TG: variants seen among roughly 807,000 people sequenced by gnomAD.
The protein encoded by TG is thyroglobulin, also known as thyroid hormones.
TG carries 270 observed loss-of-function variants against 324.7 expected under a neutral mutation model. The ratio of observed to expected loss-of-function variants is 0.83; its 90% CI spans 0.75 to 0.92. The LOEUF is 0.92. Ranked by LOEUF, TG falls within the 40% of genes least tolerant of loss-of-function variation. TG has a pLI of 0.00. For synonymous variants in TG, 1,401 were observed against 1,327.0 expected, an observed-to-expected ratio of 1.06 and a Z score of -1.21; for missense variants, 3,591 against 3,456.4, an observed-to-expected ratio of 1.04 and a Z score of -0.98.
At chr8:132,984,138 C>A (rs867029097) in intron 35 of TG, among the ~76,000 whole-genome samples, 1 of 152,246 alleles carries the variant, frequency 6.6e-6, no homozygotes, top group Non-Finnish European at 1.5e-5. Flanking sequence ...GGGCTCCACA[C>A]GCTGCTCAGC....
intron 35 of TG, 95 bp downstream of exon 35, chr8:132,983,507 C>T: frequency 8.2e-7 from 1 of 1,213,916 alleles, no homozygotes; most frequent in Non-Finnish European, 1.2e-6. Context: ...AAGTTGATAG[C>T]TTGCATATCA....
rs531062127 is a variant in TG at position 132,980,315 on chromosome 8, A to T, written c.6200-3035A>T. Among the ~76,000 whole-genome samples the T allele has an allele frequency of 3.4e-3, 521 of 152,162 alleles. 4 individuals carry two copies. Among genetic ancestry groups the T allele is most frequent in the African/African-American group, 0.012 (503 of 41,550 alleles). ...CAGCTGGAGATTGAGTGCATTGACC[A>T]ATGGCCCATGACTTACTCAATTACT... On this transcript the variant is annotated intron_variant, in intron 34 of 47. Coordinates refer to ENST00000220616, the MANE Select transcript of TG (RefSeq NM_003235.5).
At chr8:133,088,886 C>G (rs1847036712) in intron 41 of TG, among the ~76,000 whole-genome samples, 1 of 152,014 alleles carries the variant, frequency 6.6e-6, no homozygotes, top group African/African-American at 2.4e-5. Context: ...ATCAAGAAAA[C>G]AAGATGATTT....
intron 41 of TG, among the ~76,000 whole-genome samples, chr8:133,087,071 T>C (rs1194875243): frequency 7.0e-6 from 1 of 143,046 alleles, no homozygotes; most frequent in African/African-American, 2.6e-5. Flanking sequence ...AATATATGTT[T>C]ACACACACAC....
chr8:132,918,019 G>A (rs750057144), intron 20 of TG, among the ~76,000 whole-genome samples: 7 of 151,828 alleles, frequency 4.6e-5, no homozygotes, highest in Non-Finnish European at 7.4e-5. Flanking sequence ...ACCTATTGGT[G>A]GCAGTGGACC....
At chr8:132,995,909 C>G (rs1193302789) in intron 35 of TG, among the ~76,000 whole-genome samples, 1 of 152,226 alleles carries the variant, frequency 6.6e-6, no homozygotes, top group Non-Finnish European at 1.5e-5. Flanking sequence ...TACCCACCAA[C>G]ACACAAGCTC....
chr8:132,881,454 T>C (rs969457446), intron 5 of TG, among the ~76,000 whole-genome samples: 1 of 152,174 alleles, frequency 6.6e-6, no homozygotes, highest in Non-Finnish European at 1.5e-5. Context: ...AATGAGATAA[T>C]CTCCAATGTA....
intron 11 of TG, among the ~76,000 whole-genome samples, chr8:132,894,450 T>C (rs1342329417): frequency 2.0e-5 from 3 of 151,342 alleles, no homozygotes; most frequent in African/African-American, 4.9e-5. Flanking sequence ...TAATAACAGC[T>C]GAACAGTATG....
At chr8:133,098,510 TC>T (rs1345583704) in intron 43 of TG, among the ~76,000 whole-genome samples, 1 of 152,184 alleles carries the variant, frequency 6.6e-6, no homozygotes, top group Non-Finnish European at 1.5e-5. Context: ...TTTGATACCC[TC>T]CTACAGGGGA....
At chr8:132,985,580 G>A (rs191165168) in intron 35 of TG, among the ~76,000 whole-genome samples, 176 of 152,248 alleles carry the variant, frequency 1.2e-3, no homozygotes, top group African/African-American at 4.0e-3. Context: ...TTATGGCCAT[G>A]TAAATATGGT....
chr8:133,115,357 G>A (rs933908858), intron 44 of TG, among the ~76,000 whole-genome samples: 9 of 152,106 alleles, frequency 5.9e-5, no homozygotes, highest in East Asian at 1.9e-4. Flanking sequence ...CTGCCAGTGC[G>A]TGATGCTTCC....
At chr8:132,908,105 A>G in intron 17 of TG, 81 bp from the exon 18 acceptor site, 2 of 1,551,808 alleles carry the variant, frequency 1.3e-6, no homozygotes, top group Non-Finnish European at 1.8e-6. Context: ...AGGAAGGGTT[A>G]TTTTTGCAGA....
At chr8:133,091,065 A>G (rs1288133125) in intron 41 of TG, among the ~76,000 whole-genome samples, 4 of 152,186 alleles carry the variant, frequency 2.6e-5, no homozygotes, top group African/African-American at 9.7e-5. Context: ...GTTGTTACCC[A>G]GCTCCTGGGA....
chr8:133,096,372 A>AG lies in TG; in HGVS notation c.7572+1dup. On this transcript the variant is annotated frameshift_variant and splice_region_variant, in exon 43 of 48. Coordinates refer to ENST00000220616, the MANE Select transcript of TG (RefSeq NM_003235.5). LOFTEE classifies it high-confidence loss of function. ...CTCATCAACAGAGCAAAGGCTGTGAAGGTAAGCAGGGAGGGGGCCTCGGAT... is the reference window on the plus strand; with the variant it reads ...CTCATCAACAGAGCAAAGGCTGTGAAGGGTAAGCAGGGAGGGGGCCTCGGAT... 6.2e-7 allele frequency: 1 copy of AG among 1,614,174 alleles called. No individual in the cohort carries two copies. The highest frequency in any genetic ancestry group is 2.2e-5 in the East Asian group (1 of 44,878).
intron 23 of TG, among the ~76,000 whole-genome samples, chr8:132,929,658 A>G (rs1397536494): frequency 6.6e-6 from 1 of 152,174 alleles, no homozygotes; most frequent in Non-Finnish European, 1.5e-5. Flanking sequence ...ACTGACATAG[A>G]ACCAGCAAGG....
chr8:132,948,465 C>T (rs1306131145), intron 26 of TG, among the ~76,000 whole-genome samples: 1 of 152,030 alleles, frequency 6.6e-6, no homozygotes, highest in East Asian at 1.9e-4. Flanking sequence ...AGGATTCTGG[C>T]AGTGATGCCC....
At chr8:132,953,587 CAACA>C (rs960935236) in intron 27 of TG, among the ~76,000 whole-genome samples, 2 of 152,292 alleles carry the variant, frequency 1.3e-5, no homozygotes, top group South Asian at 2.1e-4. Flanking sequence ...TACCAGCCCC[CAACA>C]AACAAACAAT....
intron 41 of TG, among the ~76,000 whole-genome samples, chr8:133,044,576 C>T (rs760282235): frequency 2.6e-5 from 4 of 152,122 alleles, no homozygotes; most frequent in East Asian, 1.9e-4. Flanking sequence ...ATAGCTTCAT[C>T]GCAGAGGCGT....
intron 35 of TG, among the ~76,000 whole-genome samples, chr8:132,998,361 G>A (rs1833084017): frequency 6.6e-6 from 1 of 152,170 alleles, no homozygotes; most frequent in African/African-American, 2.4e-5. Context: ...TGGAAGAGAG[G>A]GGACCAACTG....
Sources: gnomAD v4.1 joint callset for allele counts (sites outside exome capture counted in the v4.1 genomes callset) on GRCh38, gnomAD v4.1.1 for gene constraint, MANE v1.5 for transcripts, NCBI Gene and HGNC (gene_info 2026-07-23, HGNC 2026-07-21) for gene names.